Variants in TP63 observed in about 807,000 individuals in gnomAD.
TP63 encodes the protein tumor protein 63.
Under a neutral mutation model 82.8 loss-of-function variants are expected in TP63, and 17 were observed. That is an observed-to-expected ratio of 0.21 (90% confidence interval 0.14 to 0.31). The LOEUF (loss-of-function observed/expected upper bound fraction) is 0.31. Among genes scored for constraint, TP63 ranks in the 10% least tolerant of loss-of-function variants. The probability of loss-of-function intolerance (pLI) is 1.00; values close to 1 mark genes in which losing one functional copy is unlikely to be tolerated. For missense variants in TP63, 648 were observed against 895.3 expected (o/e 0.72, Z 3.52); for synonymous variants, 330 against 321.7 (o/e 1.03, Z -0.28).
At chr3:189,664,562 T>G (rs1714211329) in intron 1 of TP63, among the ~76,000 whole-genome samples, 1 of 152,136 alleles carries the variant, frequency 6.6e-6, no homozygotes, top group Non-Finnish European at 1.5e-5. Context: ...AATTCAAGAC[T>G]TCTGGCCTTA....
intron 1 of TP63, among the ~76,000 whole-genome samples, chr3:189,670,723 A>G (rs1047478441): frequency 2.0e-5 from 3 of 152,108 alleles, no homozygotes; most frequent in Admixed American, 6.6e-5. Context: ...CCGGTGGGAC[A>G]GAACAGAGAA....
intron 4 of TP63, among the ~76,000 whole-genome samples, chr3:189,860,766 G>A (rs1716926108): frequency 6.6e-6 from 1 of 152,174 alleles, no homozygotes; most frequent in African/African-American, 2.4e-5. Context: ...GGCATGACGT[G>A]GAGAGCAGAG....
intron 1 of TP63, among the ~76,000 whole-genome samples, chr3:189,642,863 A>G (rs193173036): frequency 4.6e-5 from 6 of 131,178 alleles, no homozygotes; most frequent in Admixed American, 8.9e-5. Context: ...TAAATAAAAC[A>G]TGACAGAAAA....
At chr3:189,871,388 T>C (rs1401544994) in intron 9 of TP63, among the ~76,000 whole-genome samples, 1 of 152,068 alleles carries the variant, frequency 6.6e-6, no homozygotes, top group African/African-American at 2.4e-5. Flanking sequence ...TGTAATAAAA[T>C]AAATATTCCT....
chr3:189,887,320 A>C (rs913271803), intron 11 of TP63, among the ~76,000 whole-genome samples: 7 of 152,164 alleles, frequency 4.6e-5, no homozygotes, highest in Non-Finnish European at 1.0e-4. Context: ...TATCCATAAA[A>C]TTGTCACTAT....
the TP63 span, among the ~76,000 whole-genome samples, chr3:189,614,264 A>G: frequency 6.6e-6 from 1 of 151,950 alleles, no homozygotes; most frequent in Non-Finnish European, 1.5e-5. Context: ...ATAGTGAGTA[A>G]GTCTCACGAG....
chr3:189,786,173 C>T lies in TP63; in HGVS notation c.325-22099C>T, dbSNP rs550571764. 1.1e-3 allele frequency among the ~76,000 whole-genome samples: 170 copies of T among 151,900 alleles called. 1 individual carries two copies. Among genetic ancestry groups the T allele is most frequent in the African/African-American group, 3.6e-3 (149 of 41,454 alleles). ...TCGATAAATAATAAAGATCAGTTTT[C>T]GATTGATGAGAGTGGATTTTCCTTT... On this transcript the variant is annotated intron_variant, in intron 3 of 13. Coordinates refer to ENST00000264731, the MANE Select transcript of TP63 (RefSeq NM_003722.5).
At chr3:189,786,097 A>T (rs1423693063) in intron 3 of TP63, among the ~76,000 whole-genome samples, 1 of 152,024 alleles carries the variant, frequency 6.6e-6, no homozygotes, top group Admixed American at 6.6e-5. Context: ...AGCCATTGAC[A>T]TCGGTATTTT....
intron 3 of TP63, among the ~76,000 whole-genome samples, chr3:189,795,488 T>C (rs1324355579): frequency 6.6e-6 from 1 of 151,988 alleles, no homozygotes; most frequent in Non-Finnish European, 1.5e-5. Context: ...ATATTTTATA[T>C]GGTTTGAGAA....
chr3:189,702,173 T>C (rs1258113464), intron 1 of TP63, among the ~76,000 whole-genome samples: 1 of 152,142 alleles, frequency 6.6e-6, no homozygotes, highest in Non-Finnish European at 1.5e-5. Context: ...GTTACTGAGC[T>C]TCTCTAGTGG....
chr3:189,623,135 G>A, the TP63 span, among the ~76,000 whole-genome samples: 1 of 152,140 alleles, frequency 6.6e-6, no homozygotes. Context: ...CATAGGCTTT[G>A]AAATATACAC....
intron 1 of TP63, among the ~76,000 whole-genome samples, chr3:189,687,053 G>A (rs774300432): frequency 1.3e-5 from 2 of 151,960 alleles, no homozygotes; most frequent in African/African-American, 4.8e-5. Context: ...TTAATGCTAG[G>A]AAGAGGAGGT....
chr3:189,648,021 G>C (rs1343307149), intron 1 of TP63, among the ~76,000 whole-genome samples: 2 of 147,252 alleles, frequency 1.4e-5, no homozygotes, highest in African/African-American at 2.5e-5. Context: ...AGATTTTACA[G>C]TAATGTTTTT....
At chr3:189,727,763 C>T (rs1719872969) in intron 1 of TP63, among the ~76,000 whole-genome samples, 1 of 152,100 alleles carries the variant, frequency 6.6e-6, no homozygotes, top group Non-Finnish European at 1.5e-5. Context: ...GTATTCCAAA[C>T]CTGATGTCAT....
chr3:189,858,811 T>G (rs12486076), intron 4 of TP63, among the ~76,000 whole-genome samples: 74,896 of 151,872 alleles, frequency 0.49, 19,829 homozygotes, highest in Non-Finnish European at 0.61. Context: ...GATCCTGTCA[T>G]TTGCAACAAC....
chr3:189,878,874 G>C (rs1286529851), intron 10 of TP63, among the ~76,000 whole-genome samples: 1 of 115,020 alleles, frequency 8.7e-6, no homozygotes, highest in Non-Finnish European at 1.8e-5. Context: ...TGATCCCCCT[G>C]ACCTTGGCCT....
the TP63 span, among the ~76,000 whole-genome samples, chr3:189,611,626 G>T: frequency 1.3e-5 from 2 of 151,768 alleles, no homozygotes; most frequent in Non-Finnish European, 3.0e-5. Context: ...TTGGGCTCTT[G>T]TTTGAATTTT....
chr3:189,712,372 A>T lies in TP63; in HGVS notation c.63-25368A>T, dbSNP rs1056540604. Among the ~76,000 whole-genome samples the T allele has an allele frequency of 3.9e-5, 6 of 152,190 alleles. No individual in the cohort carries two copies. In the East Asian group the frequency reaches 7.7e-4, roughly 20 times the overall value. On this transcript the variant is annotated intron_variant, in intron 1 of 13. Coordinates refer to ENST00000264731, the MANE Select transcript of TP63 (RefSeq NM_003722.5). ...TATTAATAAGTCTTAGTCCACTAGG[A>T]GTGCTGTAACAAAATACCATAAACT... is the stretch of plus-strand genomic sequence containing the variant.
intron 10 of TP63, among the ~76,000 whole-genome samples, chr3:189,878,702 AC>A (rs1719552407): frequency 6.7e-6 from 1 of 150,262 alleles, no homozygotes; most frequent in Admixed American, 6.6e-5. Flanking sequence ...TGCTGGGATT[AC>A]AGGTGTGAGC....
Sources: gnomAD v4.1 joint callset for allele counts (sites outside exome capture counted in the v4.1 genomes callset) on GRCh38, gnomAD v4.1.1 for gene constraint, MANE v1.5 for transcripts, NCBI Gene and HGNC (gene_info 2026-07-23, HGNC 2026-07-21) for gene names.